TENM3: variants seen among roughly 807,000 people sequenced by gnomAD.
TENM3 encodes teneurin-3.
Under a neutral mutation model 255.1 loss-of-function variants are expected in TENM3, and 63 were observed. That is an observed-to-expected ratio of 0.25 (90% CI 0.20 to 0.30). TENM3 has a LOEUF of 0.30. Among genes scored for constraint, TENM3 ranks in the 10% least tolerant of loss-of-function variants. The probability of loss-of-function intolerance (pLI) is 1.00; values close to 1 mark genes in which losing one functional copy is unlikely to be tolerated. For synonymous variants in TENM3, 1,306 were observed against 1,322.3 expected (o/e 0.99, Z 0.27); for missense variants, 2,929 against 3,461.1 (o/e 0.85, Z 3.86).
chr4:182,242,454 A>G (rs1757344042), upstream of TENM3, among the ~76,000 whole-genome samples: 1 of 151,726 alleles, frequency 6.6e-6, no homozygotes, highest in Non-Finnish European at 1.5e-5. Flanking sequence ...AATCCAGTCA[A>G]TTTGCCTTCT....
At chr4:181,904,394 C>A in the TENM3 span, among the ~76,000 whole-genome samples, 1 of 152,094 alleles carries the variant, frequency 6.6e-6, no homozygotes, top group Non-Finnish European at 1.5e-5. Context: ...GTAGATGCCC[C>A]AATCACTCTG....
chr4:181,836,071 G>T, the TENM3 span, among the ~76,000 whole-genome samples: 1 of 151,908 alleles, frequency 6.6e-6, no homozygotes, highest in African/African-American at 2.4e-5. Flanking sequence ...ACTACCTGAT[G>T]GACTGCGAGC....
At chr4:182,287,411 C>T (rs951222793) in intron 1 of TENM3, among the ~76,000 whole-genome samples, 2 of 152,116 alleles carry the variant, frequency 1.3e-5, no homozygotes, top group Non-Finnish European at 2.9e-5. Flanking sequence ...ATCTGCAGTT[C>T]CTTCCGCTTG....
chr4:182,595,197 C>G (rs1352888638), intron 3 of TENM3, among the ~76,000 whole-genome samples: 2 of 152,140 alleles, frequency 1.3e-5, no homozygotes, highest in African/African-American at 4.8e-5. Context: ...TCTCACCATG[C>G]TGATTCATAA....
Position 182,800,044 on chromosome 4 carries a change from T to C in TENM3, c.7793T>C (p.Met2598Thr). 1 of 1,601,006 alleles carries C rather than the reference T, an allele frequency of 6.2e-7. No individual in the cohort carries two copies. Among genetic ancestry groups the C allele is most frequent in the Non-Finnish European group, 8.5e-7 (1 of 1,174,852 alleles). ...GRTRRFADVE[M>T]QFGALALHVR... is the part of the protein sequence containing the mutation. ...ACGCGCAGGTTCGCGGACGTGGAGA[T>C]GCAGTTCGGCGCGCTGGCGCTGCAC... Residue 2598 changes from methionine to threonine, a missense_variant, in exon 28 of 28, where the codon ATG (methionine) becomes ACG (threonine). By Grantham distance (81) the Met-to-Thr change is moderately conservative. Transcript: ENST00000511685.
At chr4:181,473,629 A>T in the TENM3 span, among the ~76,000 whole-genome samples, 1 of 151,770 alleles carries the variant, frequency 6.6e-6, no homozygotes, top group Non-Finnish European at 1.5e-5. Context: ...GAAAAAAAAA[A>T]TCGTTCTTGA....
rs192795917 is a variant in TENM3 at position 182,171,546 on chromosome 4, C to G, written c.-76+26792C>G. Among the ~76,000 whole-genome samples, 3 of 152,250 alleles carry G rather than the reference C, an allele frequency of 2.0e-5. No individual in the cohort carries two copies. The East Asian group carries it at 5.8e-4, about 29-fold the overall frequency. On this transcript the variant is annotated intron_variant, in intron 1 of 2. Transcript: ENST00000512480. ...TGGCACAATCATAGCTCTCTGTAACCTGGAACTCCTGGGCTCAAGCAATCC... is the reference window on the plus strand; with the variant it reads ...TGGCACAATCATAGCTCTCTGTAACGTGGAACTCCTGGGCTCAAGCAATCC...
chr4:182,414,898 T>G (rs1294233586), intron 3 of TENM3, among the ~76,000 whole-genome samples: 1 of 152,194 alleles, frequency 6.6e-6, no homozygotes, highest in Non-Finnish European at 1.5e-5. Context: ...ATATCAGCTT[T>G]ACATTTAATT....
At chr4:182,390,587 A>G (rs754844595) in intron 3 of TENM3, among the ~76,000 whole-genome samples, 1 of 152,170 alleles carries the variant, frequency 6.6e-6, no homozygotes, top group Non-Finnish European at 1.5e-5. Flanking sequence ...TGGTTGCAGA[A>G]GGTTTTGAGA....
intron 11 of TENM3, among the ~76,000 whole-genome samples, chr4:182,684,989 G>A (rs1756461994): frequency 6.6e-6 from 1 of 152,136 alleles, no homozygotes; most frequent in Non-Finnish European, 1.5e-5. Flanking sequence ...CTATGAGTCA[G>A]TATCAGCATG....
chr4:181,710,417 A>C, the TENM3 span, among the ~76,000 whole-genome samples: 6 of 152,082 alleles, frequency 3.9e-5, no homozygotes, highest in Non-Finnish European at 8.8e-5. Flanking sequence ...TCCTGTAAGA[A>C]GACCAAAGAA....
the TENM3 span, among the ~76,000 whole-genome samples, chr4:182,031,588 G>T: frequency 6.6e-6 from 1 of 152,164 alleles, no homozygotes; most frequent in African/African-American, 2.4e-5. Flanking sequence ...ATTCTGTGAA[G>T]AATATCAATG....
the TENM3 span, chr4:181,980,116 A>C: frequency 6.6e-6 from 1 of 152,216 alleles, no homozygotes; most frequent in African/African-American, 2.4e-5. Flanking sequence ...GCAGTAACTT[A>C]TTTGGCTTGA....
chr4:182,126,198 A>G, the TENM3 span, among the ~76,000 whole-genome samples: 1 of 152,218 alleles, frequency 6.6e-6, no homozygotes, highest in Non-Finnish European at 1.5e-5. Context: ...GACTCATTCC[A>G]TATTTAGTTT....
intron 3 of TENM3, among the ~76,000 whole-genome samples, chr4:182,560,622 ACTTC>A (rs1743066208): frequency 6.6e-6 from 1 of 152,118 alleles, no homozygotes; most frequent in Non-Finnish European, 1.5e-5. Context: ...TGAACAAAGG[ACTTC>A]CTTCTCAGGA....
At chr4:181,605,490 G>A in the TENM3 span, among the ~76,000 whole-genome samples, 2 of 7,316 alleles carry the variant, frequency 2.7e-4, no homozygotes, top group Non-Finnish European at 3.0e-4. Context: ...GAGAAAGAAA[G>A]AAAGAAAGAA....
chr4:182,181,728 A>T (rs1752851571), intron 1 of TENM3, among the ~76,000 whole-genome samples: 1 of 152,220 alleles, frequency 6.6e-6, no homozygotes, highest in African/African-American at 2.4e-5. Context: ...GACTGTTTAC[A>T]ATATAGGTAT....
chr4:182,235,569 A>T (rs945599949), intron 1 of TENM3, among the ~76,000 whole-genome samples: 1 of 152,210 alleles, frequency 6.6e-6, no homozygotes, highest in African/African-American at 2.4e-5. Context: ...ACTACTACAC[A>T]TGTACACACG....
At chr4:182,184,954 G>A (rs1753054199) in intron 1 of TENM3, among the ~76,000 whole-genome samples, 1 of 151,916 alleles carries the variant, frequency 6.6e-6, no homozygotes, top group African/African-American at 2.4e-5. Flanking sequence ...ATGGTGGTGG[G>A]CGCCTGTGAT....
Sources: gnomAD v4.1 joint callset for allele counts (sites outside exome capture counted in the v4.1 genomes callset) on GRCh38, gnomAD v4.1.1 for gene constraint, MANE v1.5 for transcripts, NCBI Gene and HGNC (gene_info 2026-07-23, HGNC 2026-07-21) for gene names.